The following CARD14 variants were observed in gnomAD, a reference collection of about 807,000 sequenced individuals.
CARD14 encodes caspase recruitment domain family member 14, also known as caspase recruitment domain-containing protein 14.
In CARD14, 107 loss-of-function variants were observed where a neutral mutation model predicts 111.5. The ratio of observed to expected loss-of-function variants is 0.96; its 90% CI spans 0.82 to 1.13. The LOEUF (loss-of-function observed/expected upper bound fraction) is 1.13. Ranked by LOEUF, CARD14 falls within the 50% of genes most tolerant of loss-of-function variation. The pLI, the probability that CARD14 is intolerant of heterozygous loss-of-function variation, is 0.00. For synonymous variants in CARD14, 617 were observed against 579.6 expected (o/e 1.06, Z -0.93); for missense variants, 1,322 against 1,362.3 (o/e 0.97, Z 0.47).
intron 1 of CARD14, among the ~76,000 whole-genome samples, chr17:80,172,300 GA>G (rs2039919552): frequency 6.6e-6 from 1 of 152,204 alleles, no homozygotes; most frequent in African/African-American, 2.4e-5. Context: ...TATTGAAGTA[GA>G]TGTTTCGTAA....
intron 16 of CARD14, among the ~76,000 whole-genome samples, chr17:80,200,229 A>ATTT (rs373332962): frequency 0.013 from 970 of 74,410 alleles, 27 homozygotes; most frequent in African/African-American, 0.018. Context: ...TTTACATGTC[A>ATTT]TTTTTTTTTT....
Position 80,202,256 on chromosome 17 carries a change from G to A in CARD14, c.2055G>A (p.Leu685=). The change falls in exon 18 of 24, where the codon CTG becomes CTA. Residue 685 remains leucine, a synonymous_variant. Transcript: ENST00000648509. ...SGDSFYIRVN[L]AMEGRAKGEL... is the part of the protein sequence containing the mutation. ...ACTCATTCTACATCCGGGTCAACCTGGCCATGGAGGGCAGGGCCAAAGGGG... is the reference window on the plus strand; with the variant it reads ...ACTCATTCTACATCCGGGTCAACCTAGCCATGGAGGGCAGGGCCAAAGGGG... The A allele has an allele frequency of 1.2e-6, 2 of 1,614,018 alleles. No individual in the cohort carries two copies. Among genetic ancestry groups the A allele is most frequent in the Non-Finnish European group, 1.7e-6 (2 of 1,180,040 alleles).
intron 2 of CARD14, among the ~76,000 whole-genome samples, chr17:80,175,464 G>A (rs569889737): frequency 1.3e-5 from 2 of 152,276 alleles, no homozygotes; most frequent in South Asian, 2.1e-4. Flanking sequence ...AGACTTTGAC[G>A]TGACAGAGCG....
In CARD14 at chr17:80,195,076, T is replaced by C; in HGVS notation, c.1357-115T>C. ...CCATGTGTGTCCTTCTTTCCCCTCC[T>C]GCCTCCTCTCCAGTCAGTTCTCACT... On this transcript the variant is annotated intron_variant, in intron 12 of 23. Coordinates refer to ENST00000648509, the MANE Select transcript of CARD14 (RefSeq NM_001366385.1). This position sits in a 1 kb window ranked among gnomAD's most constrained non-coding sequence, Gnocchi z 4.7. 1 of 1,359,858 alleles carries C rather than the reference T, an allele frequency of 7.4e-7. No homozygotes were observed. The highest frequency in any genetic ancestry group is 1.4e-5 in the South Asian group (1 of 70,244). 84.2% of individuals were successfully genotyped at this position (1,359,858 alleles called of 1,614,324 possible).
chr17:80,185,205 C>A (rs955206882), intron 7 of CARD14, among the ~76,000 whole-genome samples: 3 of 147,662 alleles, frequency 2.0e-5, no homozygotes, highest in Non-Finnish European at 4.5e-5. Flanking sequence ...TACCACCATA[C>A]CCAGCTAATT....
At chr17:80,174,997 A>C (rs1009510338) in intron 2 of CARD14, among the ~76,000 whole-genome samples, 4 of 149,990 alleles carry the variant, frequency 2.7e-5, no homozygotes, top group African/African-American at 9.8e-5. Flanking sequence ...TTTTTTTAAG[A>C]CAGGGTCTCA....
chr17:80,198,399 C>T lies in CARD14; in HGVS notation c.1659C>T (p.Ser553=), dbSNP rs139274935. 839 of 1,597,498 alleles carry T rather than the reference C, an allele frequency of 5.3e-4. 2 individuals are homozygous for T. The highest frequency in any genetic ancestry group is 5.3e-4 in the Non-Finnish European group (621 of 1,169,658). The part of the protein sequence containing the change: ...VSPGRLDVSE[S]GVLMRRRPAR... The stretch of plus-strand genomic sequence containing the variant: ...AAGCCGGTCGTCTCCCGGCCTGCAG[C>T]GGCGTCCTCATGCGGCGGAGGCCAG... The change falls in exon 16 of 24, where the codon AGC becomes AGT. Residue 553 remains serine (S), a splice_region_variant and synonymous_variant. Transcript: ENST00000648509. The surrounding 1 kb of genome is among the most constrained non-coding windows in gnomAD (Gnocchi z 7.5).
In CARD14 at chr17:80,182,630, G is replaced by T. The variant is rs1378839646; in HGVS notation, c.212-23G>T. On this transcript the variant is annotated intron_variant, in intron 5 of 23. Transcript: ENST00000648509. The surrounding 1 kb of genome is among the most constrained non-coding windows in gnomAD (Gnocchi z 4.7). The stretch of plus-strand genomic sequence containing the variant: ...CCCCTTGGTAGCTGGGTTCTGCCCA[G>T]ACAGACGGTTCTGCCTCCCAAGGGC... 1 of 1,613,338 alleles carries T rather than the reference G, an allele frequency of 6.2e-7. No homozygotes were observed.
At position 80,188,492 on chromosome 17, in the gene CARD14, T is replaced by C; in HGVS notation, c.791T>C (p.Leu264Pro). Residue 264 changes from leucine to proline, a missense_variant, in exon 8 of 24, where the codon CTG (leucine) becomes CCG (proline). Transcript: ENST00000648509. The surrounding 1 kb of genome is among the most constrained non-coding windows in gnomAD (Gnocchi z 4.5). ...GACCAGGAGTCCGGGGATGAGGAGCTGAACCGCCTGAAGGAGGAGAATGAG... is the reference window on the plus strand; with the variant it reads ...GACCAGGAGTCCGGGGATGAGGAGCCGAACCGCCTGAAGGAGGAGAATGAG... ...ASDQESGDEE[L>P]NRLKEENEKL... 1 of 1,579,508 alleles carries C rather than the reference T, an allele frequency of 6.3e-7. No homozygotes were observed. The highest frequency in any genetic ancestry group is 1.8e-5 in the Admixed American group (1 of 54,106).
intron 20 of CARD14, 23 bp downstream of exon 20, chr17:80,204,364 A>T (rs1341477539): frequency 3.3e-6 from 5 of 1,531,106 alleles, no homozygotes; most frequent in South Asian, 2.4e-5. Context: ...GAGCTGGCAC[A>T]GGGGCCACTG....
At chr17:80,191,217 T>G in intron 10 of CARD14, 106 bp from the exon 11 acceptor site, 1 of 1,362,816 alleles carries the variant, frequency 7.3e-7, no homozygotes, top group Non-Finnish European at 1.0e-6. Context: ...CGTGGGCCAT[T>G]TAGTGGATGT....
At chr17:80,179,973 C>T (rs1032822652) in intron 4 of CARD14, among the ~76,000 whole-genome samples, 1 of 152,142 alleles carries the variant, frequency 6.6e-6, no homozygotes, top group Non-Finnish European at 1.5e-5. Flanking sequence ...TGGTTGAATC[C>T]GCATGGTAGA....
intron 11 of CARD14, 154 bp from the exon 12 acceptor site, chr17:80,192,349 C>G (rs951898623): frequency 1.6e-5 from 10 of 631,452 alleles, no homozygotes; most frequent in Non-Finnish European, 5.7e-6. Flanking sequence ...GTGATGGGCT[C>G]GGAGGACAGG....
At position 80,191,305 on chromosome 17, in the gene CARD14, T is replaced by C. The variant is rs372678467; in HGVS notation, c.1090-18T>C. The C allele has an allele frequency of 7.6e-5, 122 of 1,601,584 alleles. No homozygotes were observed. The highest frequency in any genetic ancestry group is 1.0e-4 in the Non-Finnish European group (121 of 1,169,898). ...GGTGGTGATGGCGCGGCCTCCTTAC[T>C]CCCGTCGTGGCCCACAGGCGTACTC... On this transcript the variant is annotated intron_variant, in intron 10 of 23. Coordinates refer to ENST00000648509, the MANE Select transcript of CARD14 (RefSeq NM_001366385.1).
chr17:80,180,577 C>T (rs2040138640), intron 4 of CARD14, among the ~76,000 whole-genome samples: 1 of 150,406 alleles, frequency 6.6e-6, no homozygotes, highest in African/African-American at 2.4e-5. Context: ...ACAATGGGAA[C>T]TTTTTTTTTT....
chr17:80,198,216 G>A lies in CARD14; in HGVS notation c.1658+54G>A, dbSNP rs571933900. On this transcript the variant is annotated intron_variant, in intron 15 of 23. Coordinates refer to ENST00000648509, the MANE Select transcript of CARD14 (RefSeq NM_001366385.1). The surrounding 1 kb of genome is among the most constrained non-coding windows in gnomAD (Gnocchi z 7.5). ...CTGGCTGGGGAACCAGGGCCAGGGA[G>A]TGGCAGAGCAGAGGGTGAGTGTCCT... 14 of 1,600,498 alleles carry A rather than the reference G, an allele frequency of 8.7e-6. No homozygotes were observed. Among genetic ancestry groups the A allele is most frequent in the Non-Finnish European group, 1.1e-5 (13 of 1,168,622 alleles).
rs370386884 is a variant in CARD14 at position 80,208,700 on chromosome 17, C to G, written c.*355C>G. 1.4e-5 allele frequency: 3 copies of G among 220,818 alleles called. No homozygotes were observed. The South Asian group carries it at 4.6e-4, about 34-fold the overall frequency. The allele number at this position is 220,818 out of a possible 1,614,324, so 13.7% of individuals were successfully genotyped here. A position where few individuals can be genotyped will look rare whatever the true frequency, so the allele number is the denominator to read the frequency against. Reference sequence around the variant, plus strand: ...CTGGAAAACCGCCTGTCTGCAGGCCCGATTCAAATCTATGGGGGCTGCACT... The same window carrying G: ...CTGGAAAACCGCCTGTCTGCAGGCCGGATTCAAATCTATGGGGGCTGCACT... On this transcript the variant is annotated 3_prime_UTR_variant, in exon 24 of 24. Coordinates refer to ENST00000648509, the MANE Select transcript of CARD14 (RefSeq NM_001366385.1).
In CARD14 at chr17:80,182,546, C is replaced by T. The variant is rs1397522937; in HGVS notation, c.212-107C>T. On this transcript the variant is annotated intron_variant, in intron 5 of 23. Coordinates refer to ENST00000648509, the MANE Select transcript of CARD14 (RefSeq NM_001366385.1). This position sits in a 1 kb window ranked among gnomAD's most constrained non-coding sequence, Gnocchi z 4.7. Reference sequence around the variant, plus strand: ...TTTCACCTCCCGATTCTTACATGTGCGGGGGGTTTCCCAGCCCCAGGCCTC... The same window carrying T: ...TTTCACCTCCCGATTCTTACATGTGTGGGGGGTTTCCCAGCCCCAGGCCTC... 17 of 1,336,560 alleles carry T rather than the reference C, an allele frequency of 1.3e-5. No individual in the cohort carries two copies. The highest frequency in any genetic ancestry group is 1.1e-4 in the South Asian group (8 of 75,418). The allele number at this position is 1,336,560 out of a possible 1,614,324, so 82.8% of individuals were successfully genotyped here.
At chr17:80,192,848 G>A (rs1450051803) in intron 12 of CARD14, among the ~76,000 whole-genome samples, 1 of 152,172 alleles carries the variant, frequency 6.6e-6, no homozygotes, top group Non-Finnish European at 1.5e-5. Context: ...CACCTCCCAG[G>A]TTCAAGCGAT....
Sources: gnomAD v4.1 joint callset for allele counts (sites outside exome capture counted in the v4.1 genomes callset) on GRCh38, gnomAD v4.1.1 for gene constraint, Gnocchi (gnomAD v3.1) non-coding constraint, MANE v1.5 for transcripts, NCBI Gene and HGNC (gene_info 2026-07-23, HGNC 2026-07-21) for gene names.